Variants in ATP2C1 observed in about 807,000 individuals in gnomAD.
The protein encoded by ATP2C1 is ATPase secretory pathway Ca2+ transporting 1.
In ATP2C1, 31 loss-of-function variants were observed where a neutral mutation model predicts 120.5. The ratio of observed to expected loss-of-function variants is 0.26; its 90% CI spans 0.19 to 0.35. ATP2C1 has a LOEUF of 0.35. ATP2C1 is among the 10% of genes least tolerant of loss of function. ATP2C1 has a pLI of 1.00. For synonymous variants in ATP2C1, 351 were observed against 358.7 expected, an observed-to-expected ratio of 0.98 and a Z score of 0.24; for missense variants, 731 against 1,107.5, an observed-to-expected ratio of 0.66 and a Z score of 4.83.
At chr3:130,938,741 T>A (rs2059776289) in intron 6 of ATP2C1, among the ~76,000 whole-genome samples, 1 of 152,212 alleles carries the variant, frequency 6.6e-6, no homozygotes, top group Admixed American at 6.5e-5. Context: ...TATGACCCAC[T>A]GGACCACTAA....
intron 8 of ATP2C1, 133 bp downstream of exon 8, chr3:130,941,832 A>G (rs1576811437): frequency 1.3e-6 from 1 of 798,696 alleles, no homozygotes; most frequent in Non-Finnish European, 2.1e-6. Flanking sequence ...TGTGACATAT[A>G]TAAACTTTTT....
intron 1 of ATP2C1, among the ~76,000 whole-genome samples, chr3:130,873,958 A>C (rs987734162): frequency 2.6e-5 from 4 of 152,070 alleles, no homozygotes; most frequent in Non-Finnish European, 4.4e-5. Context: ...AAAAATACAA[A>C]AATTAGCCCG....
At chr3:130,953,615 C>G (rs1222163096) in intron 8 of ATP2C1, among the ~76,000 whole-genome samples, 1 of 152,108 alleles carries the variant, frequency 6.6e-6, no homozygotes, top group Non-Finnish European at 1.5e-5. Flanking sequence ...CAGCATTCTA[C>G]TTTGCATGTC....
intron 26 of ATP2C1, chr3:131,015,108 C>G (rs1182409185): frequency 1.7e-6 from 1 of 604,940 alleles, no homozygotes; most frequent in Non-Finnish European, 2.9e-6. Flanking sequence ...GCCAATTAGT[C>G]TTATTTGTGT....
chr3:130,968,314 G>A (rs528756556), intron 16 of ATP2C1, among the ~76,000 whole-genome samples: 12 of 152,252 alleles, frequency 7.9e-5, no homozygotes, highest in Non-Finnish European at 1.8e-4. Context: ...TAAAGAATAT[G>A]AAACTATCTT....
intron 2 of ATP2C1, among the ~76,000 whole-genome samples, chr3:130,912,386 G>A (rs887778012): frequency 6.6e-6 from 1 of 151,236 alleles, no homozygotes; most frequent in African/African-American, 2.5e-5. Context: ...AATCTACAAT[G>A]AACTCAAACC....
In ATP2C1 at chr3:130,877,435, T is replaced by C. The variant is rs1304711707; in HGVS notation, c.108+26507T>C. Among the ~76,000 whole-genome samples, 4 of 152,072 alleles carry C rather than the reference T, an allele frequency of 2.6e-5. No individual in the cohort carries two copies. In the East Asian group the frequency reaches 7.7e-4, roughly 29 times the overall value. On this transcript the variant is annotated intron_variant, in intron 1 of 26. Coordinates refer to the ATP2C1 transcript ENST00000504381. Reference sequence around the variant, plus strand: ...AGAATCTACCAAGGACTTAAACAAATTTACAAGAAAAAATCAAACAACCCC... The same window carrying C: ...AGAATCTACCAAGGACTTAAACAAACTTACAAGAAAAAATCAAACAACCCC...
At chr3:131,005,954 G>A (rs1019463979), downstream of ATP2C1, among the ~76,000 whole-genome samples, 3 of 152,148 alleles carry the variant, frequency 2.0e-5, no homozygotes, top group Admixed American at 2.0e-4. Context: ...GAGCGTGTGT[G>A]TGTGTGTATA....
chr3:130,857,638 C>G (rs2067884667), intron 1 of ATP2C1, among the ~76,000 whole-genome samples: 1 of 152,172 alleles, frequency 6.6e-6, no homozygotes, highest in Non-Finnish European at 1.5e-5. Flanking sequence ...TGATCTTTCA[C>G]TGGCTTCCAT....
intron 2 of ATP2C1, among the ~76,000 whole-genome samples, chr3:130,916,531 A>T (rs1384376735): frequency 6.6e-6 from 1 of 152,108 alleles, no homozygotes; most frequent in Non-Finnish European, 1.5e-5. Context: ...GCTTAAATTT[A>T]TATATATATT....
Position 130,964,929 on chromosome 3 carries a change from TA to T in ATP2C1, c.1025-17del. On this transcript the variant is annotated intron_variant, in intron 13 of 27. Transcript: ENST00000510168. Reference sequence around the variant, plus strand: ...TCTCCTTGATTCTTTTGGTGACTTGTAATGATTTAATTCTTTAGGCTGCTGT... The same window carrying T: ...TCTCCTTGATTCTTTTGGTGACTTGTATGATTTAATTCTTTAGGCTGCTGT... The T allele has an allele frequency of 6.3e-7, 1 of 1,577,986 alleles. No individual in the cohort carries two copies. The highest frequency in any genetic ancestry group is 8.7e-7 in the Non-Finnish European group (1 of 1,148,878).
At chr3:130,942,443 C>G (rs1273360287) in intron 8 of ATP2C1, among the ~76,000 whole-genome samples, 2 of 152,152 alleles carry the variant, frequency 1.3e-5, no homozygotes, top group East Asian at 3.8e-4. Context: ...AACAGGCTTT[C>G]AAAACCCATT....
At chr3:130,882,310 G>T (rs1365737621) in intron 1 of ATP2C1, among the ~76,000 whole-genome samples, 1 of 150,302 alleles carries the variant, frequency 6.7e-6, no homozygotes, top group Admixed American at 6.7e-5. Flanking sequence ...TGATTCTCTT[G>T]CCTCTTGTAA....
At chr3:130,967,909 C>G in intron 16 of ATP2C1, among the ~76,000 whole-genome samples, 1 of 152,144 alleles carries the variant, frequency 6.6e-6, no homozygotes, top group East Asian at 1.9e-4. Flanking sequence ...GAAGAAGTCT[C>G]AGTTAACTTT....
intron 2 of ATP2C1, among the ~76,000 whole-genome samples, chr3:130,921,164 C>T (rs1239475722): frequency 6.6e-6 from 1 of 150,856 alleles, no homozygotes; most frequent in African/African-American, 2.5e-5. Context: ...TCAGTGCAAC[C>T]TCCGCCTCCC....
chr3:130,855,549 C>T (rs1219682447), intron 1 of ATP2C1, among the ~76,000 whole-genome samples: 1 of 152,080 alleles, frequency 6.6e-6, no homozygotes, highest in Non-Finnish European at 1.5e-5. Flanking sequence ...AAACTAGTGT[C>T]ACAAACTAAG....
At chr3:130,898,851 C>T (rs995391230) in intron 2 of ATP2C1, among the ~76,000 whole-genome samples, 6 of 152,074 alleles carry the variant, frequency 3.9e-5, no homozygotes, top group Non-Finnish European at 8.8e-5. Context: ...TTAAAGGTGC[C>T]AGGAACACTG....
chr3:130,996,058 G>C lies in ATP2C1; in HGVS notation c.2073G>C (p.Glu691Asp). 1 of 1,604,938 alleles carries C rather than the reference G, an allele frequency of 6.2e-7. No homozygotes were observed. The highest frequency in any genetic ancestry group is 8.5e-7 in the Non-Finnish European group (1 of 1,172,132). Residue 691 changes from glutamate to aspartate, a missense_variant, in exon 23 of 28, where the codon GAG becomes GAC. Around this residue, in one of 3 missense-constraint regions of ATP2C1, gnomAD observed 571 missense variants for 845.9 expected, o/e 0.67. Coordinates refer to ENST00000510168, the MANE Select transcript of ATP2C1 (RefSeq NM_001378687.1). ...TAAATTTCAGGTCTGCAATCGAAGA[G>C]GGTAAAGGGATTTATAATAACATTA... Reference protein sequence around the residue: ...DFQTIMSAIEEGKGIYNNIKN... With the variant: ...DFQTIMSAIEDGKGIYNNIKN...
intron 19 of ATP2C1, among the ~76,000 whole-genome samples, chr3:130,979,842 T>G (rs1486578750): frequency 6.6e-6 from 1 of 152,196 alleles, no homozygotes; most frequent in Non-Finnish European, 1.5e-5. Context: ...CATGTATACC[T>G]ATATTTGAAT....
Sources: allele counts gnomAD v4.1 joint callset (sites outside exome capture counted in the v4.1 genomes callset), GRCh38; gene constraint gnomAD v4.1.1; regional missense constraint gnomAD v4.1.1; transcripts MANE v1.5; gene names NCBI Gene and HGNC (gene_info 2026-07-23, HGNC 2026-07-21).